The following IMMP2L variants were observed in gnomAD, a reference collection of about 807,000 sequenced individuals.
The protein encoded by IMMP2L is inner mitochondrial membrane peptidase subunit 2, also known as mitochondrial inner membrane protease subunit 2.
In IMMP2L, 18 loss-of-function variants were observed where a neutral mutation model predicts 19.3. That is an observed-to-expected ratio of 0.93 (90% confidence interval 0.64 to 1.38). The LOEUF is 1.38. Ranked by LOEUF, IMMP2L falls within the 40% of genes most tolerant of loss-of-function variation. The pLI is 0.00. For synonymous variants in IMMP2L, 76 were observed against 73.0 expected (o/e 1.04, Z -0.21); for missense variants, 233 against 218.2 (o/e 1.07, Z -0.43).
intron 5 of IMMP2L, among the ~76,000 whole-genome samples, chr7:110,812,659 T>C (rs1160718338): frequency 2.0e-5 from 3 of 151,936 alleles, no homozygotes; most frequent in South Asian, 2.1e-4. Flanking sequence ...GAAGTCTCAA[T>C]TGTCTCACAG....
chr7:110,974,705 C>A (rs1214366856), intron 3 of IMMP2L, among the ~76,000 whole-genome samples: 1 of 152,098 alleles, frequency 6.6e-6, no homozygotes, highest in Non-Finnish European at 1.5e-5. Context: ...TAATTCTTTA[C>A]ATCCCCATCC....
intron 3 of IMMP2L, among the ~76,000 whole-genome samples, chr7:111,294,261 CATAATTT>C (rs1260700811): frequency 6.6e-6 from 1 of 151,762 alleles, no homozygotes; most frequent in African/African-American, 2.4e-5. Flanking sequence ...TATTATAAGG[CATAATTT>C]ACTTTGAGTT....
chr7:111,157,334 T>A (rs1804749849), intron 3 of IMMP2L, among the ~76,000 whole-genome samples: 1 of 152,098 alleles, frequency 6.6e-6, no homozygotes, highest in African/African-American at 2.4e-5. Context: ...TAAGTGTCCA[T>A]CAATTGATGA....
At chr7:110,995,244 C>T (rs1450961883) in intron 3 of IMMP2L, among the ~76,000 whole-genome samples, 1 of 152,028 alleles carries the variant, frequency 6.6e-6, no homozygotes, top group Non-Finnish European at 1.5e-5. Context: ...ATTGGAAGAA[C>T]ATAAGAAGGG....
chr7:110,753,954 G>T (rs1797891242), intron 5 of IMMP2L, among the ~76,000 whole-genome samples: 1 of 151,868 alleles, frequency 6.6e-6, no homozygotes, highest in Non-Finnish European at 1.5e-5. Context: ...AAAGGTTTTG[G>T]GGCACCATCT....
At chr7:110,972,385 A>T (rs894533003) in intron 3 of IMMP2L, among the ~76,000 whole-genome samples, 2 of 152,116 alleles carry the variant, frequency 1.3e-5, no homozygotes, top group Non-Finnish European at 2.9e-5. Context: ...TAACCTAAAT[A>T]ATACTAAAAT....
intron 5 of IMMP2L, among the ~76,000 whole-genome samples, chr7:110,845,152 A>T (rs1805543770): frequency 6.6e-6 from 1 of 152,138 alleles, no homozygotes; most frequent in Admixed American, 6.5e-5. Context: ...TTTCACCTTC[A>T]TTCACTGTGT....
chr7:111,414,151 A>C (rs545815291), intron 3 of IMMP2L, among the ~76,000 whole-genome samples: 1 of 151,784 alleles, frequency 6.6e-6, no homozygotes, highest in African/African-American at 2.4e-5. Context: ...AGAAGCAAGA[A>C]GAGAATAAAG....
chr7:111,159,351 T>C (rs879931508), intron 3 of IMMP2L, among the ~76,000 whole-genome samples: 1 of 152,076 alleles, frequency 6.6e-6, no homozygotes, highest in Admixed American at 6.6e-5. Context: ...CCTGACCTCA[T>C]GATCCACCCA....
intron 3 of IMMP2L, among the ~76,000 whole-genome samples, chr7:110,998,807 T>C (rs1269163542): frequency 6.6e-6 from 1 of 152,120 alleles, no homozygotes; most frequent in Non-Finnish European, 1.5e-5. Flanking sequence ...TGTACACAAC[T>C]GGTGAAAGCA....
rs1487361001 is a variant in IMMP2L, at chr7:110,882,330, TTCC to T, written c.408+4260_408+4262del. Among the ~76,000 whole-genome samples, 11 of 57,434 alleles carry T rather than the reference TTCC, an allele frequency of 1.9e-4. No individual in the cohort carries two copies. The South Asian group carries it at 5.6e-3, about 29-fold the overall frequency. The allele number at this position is 57,434 out of a possible 152,430, so 37.7% of individuals were successfully genotyped here. On this transcript the variant is annotated intron_variant, in intron 5 of 5. Transcript: ENST00000405709. ...CTTCCTTCCTTCCTTCCTTCCTTCC[TTCC>T]TTCCTTCCCTCCTTCCTCTCTCCCT...
intron 3 of IMMP2L, among the ~76,000 whole-genome samples, chr7:111,325,591 A>G (rs1304585668): frequency 6.6e-6 from 1 of 151,546 alleles, no homozygotes; most frequent in Non-Finnish European, 1.5e-5. Context: ...TAGTGTTTTA[A>G]TAGTATAAAT....
At chr7:110,779,910 T>C (rs753944752) in intron 5 of IMMP2L, among the ~76,000 whole-genome samples, 3 of 151,964 alleles carry the variant, frequency 2.0e-5, no homozygotes, top group Admixed American at 6.6e-5. Context: ...GGATCTGGAC[T>C]CTGAATTTGA....
intron 3 of IMMP2L, among the ~76,000 whole-genome samples, chr7:111,331,230 G>A (rs2130661137): frequency 6.6e-6 from 1 of 152,070 alleles, no homozygotes; most frequent in Middle Eastern, 3.4e-3. Flanking sequence ...TATACACAGT[G>A]AAATTCTATT....
chr7:110,964,774 C>A (rs1002712282), intron 3 of IMMP2L, among the ~76,000 whole-genome samples: 2 of 151,964 alleles, frequency 1.3e-5, no homozygotes, highest in African/African-American at 4.8e-5. Context: ...TCTCTCCCCT[C>A]CTTCCTTCCT....
At chr7:111,308,445 C>CA (rs1823128425) in intron 3 of IMMP2L, among the ~76,000 whole-genome samples, 1 of 151,800 alleles carries the variant, frequency 6.6e-6, no homozygotes, top group Non-Finnish European at 1.5e-5. Flanking sequence ...CAAGCAGTTA[C>CA]AAAAAATTAT....
chr7:111,518,241 A>G (rs1846037185), intron 2 of IMMP2L, among the ~76,000 whole-genome samples: 1 of 152,126 alleles, frequency 6.6e-6, no homozygotes, highest in South Asian at 2.1e-4. Flanking sequence ...CTAATCACAA[A>G]CCAACAGAAT....
chr7:111,517,682 T>C (rs1845986124), intron 2 of IMMP2L, among the ~76,000 whole-genome samples: 1 of 152,132 alleles, frequency 6.6e-6, no homozygotes. Flanking sequence ...TTTGAATAAT[T>C]ACATTCCACC....
At chr7:111,131,397 T>A (rs1367474146) in intron 3 of IMMP2L, among the ~76,000 whole-genome samples, 1 of 152,064 alleles carries the variant, frequency 6.6e-6, no homozygotes, top group East Asian at 1.9e-4. Flanking sequence ...ATTAACATAT[T>A]ATGTTTGGAT....
Sources: gnomAD v4.1 joint callset for allele counts (sites outside exome capture counted in the v4.1 genomes callset) on GRCh38, gnomAD v4.1.1 for gene constraint, MANE v1.5 for transcripts, NCBI Gene and HGNC (gene_info 2026-07-23, HGNC 2026-07-21) for gene names.